The following LIN9 variants were observed in gnomAD, a reference collection of about 807,000 sequenced individuals.
LIN9 encodes lin-9 DREAM MuvB core complex component.
Under a neutral mutation model 78.0 loss-of-function variants are expected in LIN9, and 18 were observed. The observed-to-expected ratio is 0.23, with a 90% CI of 0.16 to 0.34. The LOEUF (loss-of-function observed/expected upper bound fraction) is 0.34, where lower values mean the gene tolerates loss of function less well. Among genes scored for constraint, LIN9 ranks in the 10% least tolerant of loss-of-function variants. The probability of loss-of-function intolerance (pLI) is 1.00; values close to 1 mark genes in which losing one functional copy is unlikely to be tolerated. For synonymous variants in LIN9, 192 were observed against 215.2 expected (o/e 0.89, Z 0.94); for missense variants, 451 against 644.1 (o/e 0.70, Z 3.25).
At chr1:226,309,262 T>A (rs1338287427), upstream of LIN9, 22 of 1,202,488 alleles carry the variant, frequency 1.8e-5, no homozygotes, top group Middle Eastern at 6.7e-4. Flanking sequence ...GCTGCGCTGC[T>A]CCCGCCGCGG....
At chr1:226,296,023 G>C (rs1465678433) in intron 3 of LIN9, 77 bp from the exon 4 acceptor site, 19 of 926,934 alleles carry the variant, frequency 2.0e-5, no homozygotes, top group Non-Finnish European at 1.7e-6. Context: ...TCTATACTTG[G>C]AAAACTGAGC....
intron 7 of LIN9, among the ~76,000 whole-genome samples, chr1:226,270,500 T>G (rs1197498968): frequency 6.6e-6 from 1 of 152,066 alleles, no homozygotes; most frequent in African/African-American, 2.4e-5. Context: ...TTGAGAGAGA[T>G]ATTTAGCAAA....
intron 6 of LIN9, among the ~76,000 whole-genome samples, chr1:226,285,890 T>C (rs1021806442): frequency 6.6e-6 from 1 of 152,128 alleles, no homozygotes; most frequent in Admixed American, 6.5e-5. Flanking sequence ...ACATAGATAA[T>C]GTAAAACTAA....
chr1:226,304,501 G>A (rs180734355), intron 1 of LIN9, among the ~76,000 whole-genome samples: 164 of 152,264 alleles, frequency 1.1e-3, no homozygotes, highest in African/African-American at 3.3e-3. Context: ...TATAAAACAC[G>A]TACATAATAA....
intron 10 of LIN9, among the ~76,000 whole-genome samples, chr1:226,260,628 G>GTTTTTTTTTTTTTTTTTTTTTTTTTTTTT (rs559460640): frequency 1.4e-5 from 1 of 73,430 alleles, no homozygotes; most frequent in African/African-American, 5.0e-5. Flanking sequence ...GGCCAAATGA[G>GTTTTTTTTTTTTTTTTTTTTTTTTTTTTT]TTTTTTTTTT....
At chr1:226,242,792 C>T (rs1000015635) in intron 11 of LIN9, among the ~76,000 whole-genome samples, 1 of 152,178 alleles carries the variant, frequency 6.6e-6, no homozygotes, top group Non-Finnish European at 1.5e-5. Context: ...AAACCAACCC[C>T]TCCACTTCCT....
chr1:226,300,719 G>T (rs1036942807), intron 2 of LIN9, among the ~76,000 whole-genome samples: 1 of 152,164 alleles, frequency 6.6e-6, no homozygotes, highest in Non-Finnish European at 1.5e-5. Context: ...AGCCAGGCAT[G>T]GTGGCACATG....
At chr1:226,240,983 G>A (rs1331597601) in intron 11 of LIN9, among the ~76,000 whole-genome samples, 1 of 152,188 alleles carries the variant, frequency 6.6e-6, no homozygotes, top group East Asian at 1.9e-4. Context: ...TAACCTTGTG[G>A]GATCTGAAGC....
At position 226,232,531 on chromosome 1, in the gene LIN9, G is replaced by C. The variant is rs2102817590; in HGVS notation, c.1599C>G (p.Ala533=). ...SGLSQMGNLH[A]FAANNTNRD ...CTCTGTTGGTGTTATTTGCTGCAAAGGCATGTAAGTTTCCCATCTGGCTCA... is the reference window on the plus strand; with the variant it reads ...CTCTGTTGGTGTTATTTGCTGCAAACGCATGTAAGTTTCCCATCTGGCTCA... The change falls in exon 15 of 15, where the codon GCC becomes GCG. Residue 533 remains alanine, a synonymous_variant. Coordinates refer to ENST00000681046, the MANE Select transcript of LIN9 (RefSeq NM_001366245.2). 6.2e-7 allele frequency: 1 copy of C among 1,611,520 alleles called. No homozygotes were observed. The highest frequency in any genetic ancestry group is 1.1e-5 in the South Asian group (1 of 90,814).
At chr1:226,301,682 T>C (rs1388082950) in intron 1 of LIN9, among the ~76,000 whole-genome samples, 1 of 152,210 alleles carries the variant, frequency 6.6e-6, no homozygotes, top group Non-Finnish European at 1.5e-5. Flanking sequence ...GTATATGTGA[T>C]ACTTCAAGAT....
In LIN9 at chr1:226,277,797, C is replaced by G; in HGVS notation, c.660G>C (p.Leu220=). 3.1e-6 allele frequency: 5 copies of G among 1,613,658 alleles called. No individual in the cohort carries two copies. Among genetic ancestry groups the G allele is most frequent in the Non-Finnish European group, 4.2e-6 (5 of 1,179,826 alleles). ...KDLPDEIPLP[L]VIGTKVTARL... The stretch of plus-strand genomic sequence containing the variant: ...TACCTGTAACTTTCGTTCCAATAAC[C>G]AGAGGCAAAGGAATTTCATCTGGGA... Residue 220 remains leucine, a synonymous_variant, in exon 7 of 15, where the codon CTG becomes CTC. Transcript: ENST00000681046.
intron 12 of LIN9, among the ~76,000 whole-genome samples, chr1:226,237,448 C>A (rs1657788552): frequency 6.6e-6 from 1 of 150,532 alleles, no homozygotes; most frequent in Non-Finnish European, 1.5e-5. Flanking sequence ...GCCTCATCAA[C>A]ATGGAGAAAC....
intron 11 of LIN9, among the ~76,000 whole-genome samples, chr1:226,239,565 A>G (rs1448937343): frequency 1.3e-5 from 2 of 152,230 alleles, no homozygotes; most frequent in African/African-American, 2.4e-5. Flanking sequence ...TTCCACCTCT[A>G]TCATCATCTA....
chr1:226,238,234 T>C (rs1013564869), intron 12 of LIN9, among the ~76,000 whole-genome samples: 1 of 152,114 alleles, frequency 6.6e-6, no homozygotes, highest in African/African-American at 2.4e-5. Flanking sequence ...GGCAACAAAA[T>C]TGTATGGCCA....
intron 10 of LIN9, among the ~76,000 whole-genome samples, chr1:226,256,838 T>C (rs1659229700): frequency 6.6e-6 from 1 of 152,048 alleles, no homozygotes; most frequent in Non-Finnish European, 1.5e-5. Context: ...ATTACAGGCA[T>C]GAGCCACCGC....
At chr1:226,267,318 A>ATGTATGTATGTATG (rs60392041) in intron 8 of LIN9, among the ~76,000 whole-genome samples, 31,847 of 140,770 alleles carry the variant, frequency 0.23, 3,976 homozygotes, top group Admixed American at 0.29. Flanking sequence ...TATTATGTAT[A>ATGTATGTATGTATG]TATGTATGTA....
At chr1:226,309,724 C>A (rs1041292986), upstream of LIN9, 2 of 1,287,808 alleles carry the variant, frequency 1.6e-6, no homozygotes, top group African/African-American at 3.0e-5. Flanking sequence ...GTCCGGGACT[C>A]GGTCCCAGCG....
intron 4 of LIN9, among the ~76,000 whole-genome samples, chr1:226,289,858 G>C (rs1661638108): frequency 9.1e-6 from 1 of 109,730 alleles, no homozygotes; most frequent in Non-Finnish European, 2.0e-5. Context: ...GGGGGGGGTG[G>C]GAAAGCTAGG....
At chr1:226,267,318 A>ATGTATGTATG (rs60392041) in intron 8 of LIN9, among the ~76,000 whole-genome samples, 3,176 of 140,864 alleles carry the variant, frequency 0.023, 56 homozygotes, top group Admixed American at 0.03. Flanking sequence ...TATTATGTAT[A>ATGTATGTATG]TATGTATGTA....
Sources: allele counts gnomAD v4.1 joint callset (sites outside exome capture counted in the v4.1 genomes callset), GRCh38; gene constraint gnomAD v4.1.1; transcripts MANE v1.5; gene names NCBI Gene and HGNC (gene_info 2026-07-23, HGNC 2026-07-21).